Variants in TENM3 observed in about 807,000 individuals in gnomAD.
TENM3 encodes the protein teneurin transmembrane protein 3.
Under a neutral mutation model 255.1 loss-of-function variants are expected in TENM3, and 63 were observed. That is an observed-to-expected ratio of 0.25 (90% CI 0.20 to 0.30). TENM3 has a LOEUF of 0.30. Among genes scored for constraint, TENM3 ranks in the 10% least tolerant of loss-of-function variants. TENM3 has a pLI of 1.00. For synonymous variants in TENM3, 1,306 were observed against 1,322.3 expected, an observed-to-expected ratio of 0.99 and a Z score of 0.27; for missense variants, 2,929 against 3,461.1, an observed-to-expected ratio of 0.85 and a Z score of 3.86.
chr4:181,770,674 C>CAAAAA, the TENM3 span, among the ~76,000 whole-genome samples: 3 of 76,610 alleles, frequency 3.9e-5, no homozygotes, highest in African/African-American at 5.3e-5. Flanking sequence ...GACTCTGTCT[C>CAAAAA]AAAAAAAAAA....
intron 11 of TENM3, among the ~76,000 whole-genome samples, chr4:182,683,772 G>A (rs1300834783): frequency 6.6e-6 from 1 of 152,140 alleles, no homozygotes; most frequent in Non-Finnish European, 1.5e-5. Context: ...AGCATGAATT[G>A]TGAGACTTTG....
At chr4:181,812,962 A>G in the TENM3 span, among the ~76,000 whole-genome samples, 18 of 152,320 alleles carry the variant, frequency 1.2e-4, no homozygotes, top group Admixed American at 8.5e-4. Flanking sequence ...CCAACCCACT[A>G]TGGAAGAGAA....
At chr4:182,000,968 C>A in the TENM3 span, among the ~76,000 whole-genome samples, 1 of 150,012 alleles carries the variant, frequency 6.7e-6, no homozygotes, top group Non-Finnish European at 1.5e-5. Context: ...AGAATTAAAG[C>A]CCTGGCCGAA....
At chr4:182,367,324 G>T (rs866618126) in intron 3 of TENM3, among the ~76,000 whole-genome samples, 1 of 152,090 alleles carries the variant, frequency 6.6e-6, no homozygotes, top group Non-Finnish European at 1.5e-5. Flanking sequence ...TAACATTGAC[G>T]GTAAAGTGGA....
the TENM3 span, among the ~76,000 whole-genome samples, chr4:181,499,775 A>C: frequency 3.9e-5 from 6 of 152,346 alleles, no homozygotes; most frequent in South Asian, 1.2e-3. Flanking sequence ...ACTTTAAAAA[A>C]TAAGTAGACA....
chr4:182,595,153 T>C (rs1165996062), intron 3 of TENM3, among the ~76,000 whole-genome samples: 1 of 152,144 alleles, frequency 6.6e-6, no homozygotes, highest in South Asian at 2.1e-4. Context: ...AAAGTAAATA[T>C]GCCATATTCA....
At chr4:181,467,080 T>TGC in the TENM3 span, among the ~76,000 whole-genome samples, 1,936 of 29,310 alleles carry the variant, frequency 0.066, 133 homozygotes, top group East Asian at 0.31. Context: ...TGTGTGTGTG[T>TGC]GTGCGTGTGT....
intron 1 of TENM3, among the ~76,000 whole-genome samples, chr4:182,268,798 A>G (rs2150204816): frequency 6.6e-6 from 1 of 152,304 alleles, no homozygotes; most frequent in East Asian, 1.9e-4. Context: ...AAGGGGAGGC[A>G]TTAATAATCT....
At chr4:182,159,318 C>T (rs1201037039) in intron 1 of TENM3, among the ~76,000 whole-genome samples, 1 of 152,160 alleles carries the variant, frequency 6.6e-6, no homozygotes, top group Non-Finnish European at 1.5e-5. Flanking sequence ...CATGAAGTTG[C>T]TTTGGAAACC....
intron 1 of TENM3, among the ~76,000 whole-genome samples, chr4:182,205,824 C>T (rs1426773613): frequency 6.6e-6 from 1 of 152,124 alleles, no homozygotes; most frequent in African/African-American, 2.4e-5. Flanking sequence ...GCTCCCAACT[C>T]ACATCTGATG....
At chr4:181,646,507 C>A in the TENM3 span, among the ~76,000 whole-genome samples, 524 of 152,276 alleles carry the variant, frequency 3.4e-3, 4 homozygotes, top group African/African-American at 0.012. Flanking sequence ...CATTCTTCTG[C>A]AGCTTACTGT....
chr4:182,581,234 T>C (rs1164983583), intron 3 of TENM3, among the ~76,000 whole-genome samples: 2 of 152,204 alleles, frequency 1.3e-5, no homozygotes, highest in Non-Finnish European at 2.9e-5. Flanking sequence ...TTTGATGACC[T>C]CACAAAAGTA....
chr4:182,029,902 A>T, the TENM3 span, among the ~76,000 whole-genome samples: 1 of 143,586 alleles, frequency 7.0e-6, no homozygotes, highest in African/African-American at 3.0e-5. Flanking sequence ...CATTCTTTAT[A>T]TTGAATAAAT....
the TENM3 span, among the ~76,000 whole-genome samples, chr4:181,668,711 T>C: frequency 2.0e-5 from 3 of 152,058 alleles, no homozygotes; most frequent in Non-Finnish European, 2.9e-5. Flanking sequence ...GGTTCCATTC[T>C]AAGGTGCTGG....
the TENM3 span, among the ~76,000 whole-genome samples, chr4:181,686,377 T>C: frequency 6.6e-5 from 10 of 152,340 alleles, no homozygotes; most frequent in Admixed American, 5.2e-4. Context: ...TTAATTGTTG[T>C]TGAATCAGAC....
the TENM3 span, among the ~76,000 whole-genome samples, chr4:181,595,502 T>G: frequency 6.6e-6 from 1 of 151,108 alleles, no homozygotes; most frequent in Non-Finnish European, 1.5e-5. Flanking sequence ...ATTCAAAGCT[T>G]TGTTATTGGA....
the TENM3 span, among the ~76,000 whole-genome samples, chr4:181,564,008 GTTTTC>G: frequency 0.71 from 89,251 of 126,434 alleles, 32,991 homozygotes; most frequent in East Asian, 0.84. Flanking sequence ...TGAAAATGAT[GTTTTC>G]TTTTCTTTTC....
intron 1 of TENM3, among the ~76,000 whole-genome samples, chr4:182,222,439 T>A (rs1223505576): frequency 1.3e-5 from 2 of 152,238 alleles, no homozygotes; most frequent in Non-Finnish European, 2.9e-5. Flanking sequence ...TGATTCTGTG[T>A]GTGCTTGCAT....
At chr4:182,354,222 C>A (rs908344799) in intron 3 of TENM3, among the ~76,000 whole-genome samples, 2 of 152,118 alleles carry the variant, frequency 1.3e-5, no homozygotes, top group Non-Finnish European at 2.9e-5. Flanking sequence ...AGAATATATG[C>A]CATCTCTGTT....
Sources: allele counts gnomAD v4.1 joint callset (sites outside exome capture counted in the v4.1 genomes callset), GRCh38; gene constraint gnomAD v4.1.1; transcripts MANE v1.5; gene names NCBI Gene and HGNC (gene_info 2026-07-23, HGNC 2026-07-21).